Variants in ATP10A observed in about 807,000 individuals in gnomAD.
The protein encoded by ATP10A is phospholipid-transporting ATPase VA.
ATP10A carries 111 observed loss-of-function variants against 147.8 expected under a neutral mutation model. The ratio of observed to expected loss-of-function variants is 0.75; its 90% confidence interval spans 0.64 to 0.88. The LOEUF (loss-of-function observed/expected upper bound fraction) is 0.88. ATP10A is among the 40% of genes least tolerant of loss of function. ATP10A has a pLI of 0.00. For synonymous variants in ATP10A, 875 were observed against 841.6 expected, an observed-to-expected ratio of 1.04 and a Z score of -0.69; for missense variants, 1,927 against 1,959.0, an observed-to-expected ratio of 0.98 and a Z score of 0.31.
chr15:25,803,874 G>A (rs189797282), intron 1 of ATP10A, among the ~76,000 whole-genome samples: 17 of 152,342 alleles, frequency 1.1e-4, no homozygotes, highest in African/African-American at 4.1e-4. Context: ...CTCCTGGCAC[G>A]CACGTGCTGC....
At chr15:25,714,798 G>A (rs1901681672) in intron 9 of ATP10A, among the ~76,000 whole-genome samples, 1 of 152,056 alleles carries the variant, frequency 6.6e-6, no homozygotes, top group South Asian at 2.1e-4. Context: ...CAAACCATCA[G>A]TTTATACTTC....
chr15:25,683,460 G>C lies in ATP10A; in HGVS notation c.3318C>G (p.Phe1106Leu). 6.2e-7 allele frequency: 1 copy of C among 1,613,924 alleles called. No homozygotes were observed. Among genetic ancestry groups the C allele is most frequent in the South Asian group, 1.1e-5 (1 of 91,042 alleles). ...NTMFVGLLFW[F>L]QFFCGFSAST... Reference sequence around the variant, plus strand: ...ATGCAGAGAAGCCACAGAAAAACTGGAACCAAAACAGGAGGCCCACGAACA... The same window carrying C: ...ATGCAGAGAAGCCACAGAAAAACTGCAACCAAAACAGGAGGCCCACGAACA... The change falls in exon 17 of 21, where the codon TTC (phenylalanine) becomes TTG (leucine). Residue 1106 changes from phenylalanine to leucine, a missense_variant. Phe to Leu is a conservative substitution (Grantham distance 22). Transcript: ENST00000555815.
At chr15:25,851,570 A>C (rs1567432795) in intron 1 of ATP10A, among the ~76,000 whole-genome samples, 1 of 152,146 alleles carries the variant, frequency 6.6e-6, no homozygotes, top group Non-Finnish European at 1.5e-5. Flanking sequence ...ATTTCCCCAG[A>C]ATGCTTCTTC....
intron 13 of ATP10A, among the ~76,000 whole-genome samples, chr15:25,699,105 C>T (rs889969136): frequency 8.5e-5 from 13 of 152,092 alleles, no homozygotes; most frequent in Non-Finnish European, 1.2e-4. Flanking sequence ...AATTCATATA[C>T]GAAGGCAACA....
At chr15:25,795,064 C>T (rs551387230) in intron 1 of ATP10A, among the ~76,000 whole-genome samples, 1 of 152,340 alleles carries the variant, frequency 6.6e-6, no homozygotes, top group Non-Finnish European at 1.5e-5. Context: ...TGCTAAATCA[C>T]AGTGGTTCTC....
chr15:25,744,762 G>A (rs891120425), intron 2 of ATP10A, among the ~76,000 whole-genome samples: 2 of 152,146 alleles, frequency 1.3e-5, no homozygotes, highest in African/African-American at 4.8e-5. Context: ...TTAAGCATGG[G>A]AAGATGAAAG....
In ATP10A at chr15:25,680,288, C is replaced by A. The variant is rs114546364; in HGVS notation, c.3699G>T (p.Thr1233=). 1 of 1,614,120 alleles carries A rather than the reference C, an allele frequency of 6.2e-7. No individual in the cohort carries two copies. The highest frequency in any genetic ancestry group is 8.5e-7 in the Non-Finnish European group (1 of 1,180,006). Residue 1233 remains threonine, a synonymous_variant, in exon 20 of 21, where the codon ACG becomes ACT. Transcript: ENST00000555815. The stretch of plus-strand genomic sequence containing the variant: ...AAAACAAAAGGACACTGAAGCCACA[C>A]GTTATCCAGTTGAGCCAGGTCTGAG... The part of the protein sequence containing the change: ...TKTWTWLNWI[T]CGFSVLLFFT...
downstream of ATP10A, among the ~76,000 whole-genome samples, chr15:25,675,019 A>G (rs7176529): frequency 0.017 from 2,628 of 152,334 alleles, 91 homozygotes; most frequent in African/African-American, 0.061. Flanking sequence ...CTCATTAGGA[A>G]GAAAACCTTA....
intron 1 of ATP10A, among the ~76,000 whole-genome samples, chr15:25,839,228 C>T (rs541439240): frequency 1.3e-5 from 2 of 152,284 alleles, no homozygotes; most frequent in East Asian, 1.9e-4. Context: ...TGTGCGTCGG[C>T]GCATCCCTGC....
At chr15:25,692,822 G>T (rs185630878) in intron 14 of ATP10A, among the ~76,000 whole-genome samples, 6 of 152,090 alleles carry the variant, frequency 3.9e-5, no homozygotes, top group Admixed American at 3.3e-4. Context: ...TTGAGACAGG[G>T]TCTCACTCTG....
In ATP10A at chr15:25,700,901, G is replaced by A. The variant is rs190258297; in HGVS notation, c.2760+1015C>T. Among the ~76,000 whole-genome samples the A allele has an allele frequency of 2.0e-4, 30 of 151,594 alleles. No homozygotes were observed. The East Asian group carries it at 2.9e-3, about 15-fold the overall frequency. ...TCAGGTCAACCTTTAGTATAAATTC[G>A]CAAACTTTCTTGGAGAAAGAGGTCA... On this transcript the variant is annotated intron_variant, in intron 13 of 20. Coordinates refer to ENST00000555815, the MANE Select transcript of ATP10A (RefSeq NM_024490.4).
intron 3 of ATP10A, among the ~76,000 whole-genome samples, chr15:25,728,999 C>A (rs11629540): frequency 6.6e-6 from 1 of 152,134 alleles, no homozygotes; most frequent in Admixed American, 6.5e-5. Context: ...CGGCCGAGGG[C>A]GACACAGGCC....
rs550885943 is a variant in ATP10A at position 25,718,270 on chromosome 15, C to T, written c.1493G>A (p.Ser498Asn). 2 of 1,612,616 alleles carry T rather than the reference C, an allele frequency of 1.2e-6. No homozygotes were observed. Among genetic ancestry groups the T allele is most frequent in the Non-Finnish European group, 1.7e-6 (2 of 1,179,976 alleles). ...QSVRVVHRTQ[S>N]TKSHRRTGSR... ...GCCCGTGCGCCGGTGGGACTTGGTG[C>T]TCTGGGTTCTGTGCACCACCCGGAC... Residue 498 changes from serine (S) to asparagine (N), a missense_variant, in exon 8 of 21, where the codon AGC becomes AAC. By Grantham distance (46) the Ser-to-Asn change is conservative. Coordinates refer to ENST00000555815, the MANE Select transcript of ATP10A (RefSeq NM_024490.4).
chr15:25,720,331 C>T (rs1902133670), intron 7 of ATP10A, among the ~76,000 whole-genome samples: 1 of 152,132 alleles, frequency 6.6e-6, no homozygotes, highest in South Asian at 2.1e-4. Flanking sequence ...TTAAAATTTA[C>T]TCTCTGAGTC....
chr15:25,826,649 G>C (rs1892126597), intron 1 of ATP10A, among the ~76,000 whole-genome samples: 1 of 152,096 alleles, frequency 6.6e-6, no homozygotes, highest in South Asian at 2.1e-4. Context: ...ATAAAAATTA[G>C]CCAGATGTGG....
intron 1 of ATP10A, among the ~76,000 whole-genome samples, chr15:25,858,359 G>A (rs1209598868): frequency 6.6e-6 from 1 of 152,130 alleles, no homozygotes; most frequent in Non-Finnish European, 1.5e-5. Flanking sequence ...GAGGGATGGA[G>A]GGAATATGCC....
intron 2 of ATP10A, among the ~76,000 whole-genome samples, chr15:25,750,021 G>A (rs1337864740): frequency 6.6e-6 from 1 of 152,118 alleles, no homozygotes; most frequent in Non-Finnish European, 1.5e-5. Context: ...AATCCCCAAA[G>A]ATGGGGAAGG....
chr15:25,820,147 T>A (rs1891821318), intron 1 of ATP10A, among the ~76,000 whole-genome samples: 1 of 152,082 alleles, frequency 6.6e-6, no homozygotes, highest in Admixed American at 6.5e-5. Flanking sequence ...AATAAAAATA[T>A]GATAGAACTA....
intron 9 of ATP10A, 113 bp downstream of exon 9, chr15:25,716,617 G>T (rs1021806886): frequency 1.8e-6 from 2 of 1,087,986 alleles, no homozygotes; most frequent in African/African-American, 1.6e-5. Flanking sequence ...GTCACGATGT[G>T]CCAAGAGCGC....
Sources: gnomAD v4.1 joint callset for allele counts (sites outside exome capture counted in the v4.1 genomes callset) on GRCh38, gnomAD v4.1.1 for gene constraint, MANE v1.5 for transcripts, NCBI Gene and HGNC (gene_info 2026-07-23, HGNC 2026-07-21) for gene names.